SFXN5: variants seen among roughly 807,000 people sequenced by gnomAD.
SFXN5 encodes sideroflexin-5.
SFXN5 carries 43 observed loss-of-function variants against 50.2 expected under a neutral mutation model. That is an observed-to-expected ratio of 0.86 (90% confidence interval 0.67 to 1.11). The LOEUF (loss-of-function observed/expected upper bound fraction) is 1.11, where lower values mean the gene tolerates loss of function less well. SFXN5 is among the 50% of genes least tolerant of loss of function. The pLI is 0.00. For missense variants in SFXN5, 463 were observed against 454.1 expected, an observed-to-expected ratio of 1.02 and a Z score of -0.18; for synonymous variants, 203 against 185.8, an observed-to-expected ratio of 1.09 and a Z score of -0.75.
chr2:72,967,490 C>T (rs1011811669), intron 12 of SFXN5, among the ~76,000 whole-genome samples: 7 of 152,118 alleles, frequency 4.6e-5, no homozygotes, highest in Admixed American at 3.3e-4. Flanking sequence ...CGGGCAGAGG[C>T]CTGACTGAGA....
At chr2:73,038,163 G>A (rs1433144761) in intron 3 of SFXN5, among the ~76,000 whole-genome samples, 2 of 152,242 alleles carry the variant, frequency 1.3e-5, no homozygotes, top group African/African-American at 2.4e-5. Flanking sequence ...CTCGTAGGTA[G>A]AGCCTACTGC....
At chr2:73,062,453 GAAGCA>G (rs1041392972) in intron 1 of SFXN5, among the ~76,000 whole-genome samples, 1 of 152,202 alleles carries the variant, frequency 6.6e-6, no homozygotes, top group Admixed American at 6.5e-5. Context: ...TGGCCTGAGT[GAAGCA>G]ACTTCTTGAA....
chr2:73,066,831 G>A (rs1683212251), intron 1 of SFXN5, among the ~76,000 whole-genome samples: 1 of 151,174 alleles, frequency 6.6e-6, no homozygotes, highest in African/African-American at 2.4e-5. Flanking sequence ...CAAGACACCT[G>A]TCTCTACAAA....
At chr2:73,009,479 C>T (rs923446937) in intron 6 of SFXN5, among the ~76,000 whole-genome samples, 2 of 152,206 alleles carry the variant, frequency 1.3e-5, no homozygotes, top group Admixed American at 1.3e-4. Flanking sequence ...CAGCCTCTGG[C>T]TTGACTGTTC....
chr2:73,015,442 C>T (rs1218405481), intron 6 of SFXN5, among the ~76,000 whole-genome samples: 2 of 152,026 alleles, frequency 1.3e-5, no homozygotes, highest in African/African-American at 4.8e-5. Flanking sequence ...TCTCAAAGTG[C>T]CTCATAAATG....
intron 1 of SFXN5, among the ~76,000 whole-genome samples, chr2:73,061,441 C>T (rs995822024): frequency 6.6e-6 from 1 of 151,734 alleles, no homozygotes; most frequent in African/African-American, 2.4e-5. Flanking sequence ...AATGTAGATA[C>T]TATAATTGAA....
chr2:73,023,883 A>G (rs1235181583), intron 3 of SFXN5, among the ~76,000 whole-genome samples: 1 of 152,186 alleles, frequency 6.6e-6, no homozygotes, highest in Non-Finnish European at 1.5e-5. Context: ...GTCTCTTTCC[A>G]GCACAGAGAC....
intron 10 of SFXN5, among the ~76,000 whole-genome samples, chr2:72,976,917 T>G (rs79477203): frequency 0.014 from 2,189 of 152,336 alleles, 45 homozygotes; most frequent in African/African-American, 0.05. Flanking sequence ...TCTTAAGTTA[T>G]GGAGGGTCAT....
chr2:72,950,737 G>A lies in SFXN5; in HGVS notation c.946-5638C>T, dbSNP rs1359044577. On this transcript the variant is annotated intron_variant, in intron 13 of 13. Transcript: ENST00000272433. This position sits in a 1 kb window ranked among gnomAD's most constrained non-coding sequence, Gnocchi z 4.2. ...CCCATGGATAAGTGAAAGTGACTCA[G>A]GTCTGAGCAAAGGCAATAAAGCATC... Among the ~76,000 whole-genome samples, 1 of 152,240 alleles carries A rather than the reference G, an allele frequency of 6.6e-6. No individual in the cohort carries two copies. Among genetic ancestry groups the A allele is most frequent in the East Asian group, 1.9e-4 (1 of 5,194 alleles).
At chr2:73,024,576 C>T (rs1677315556) in intron 3 of SFXN5, among the ~76,000 whole-genome samples, 1 of 152,118 alleles carries the variant, frequency 6.6e-6, no homozygotes, top group African/African-American at 2.4e-5. Context: ...AACACTTGTG[C>T]CCAGGAGGTA....
intron 6 of SFXN5, among the ~76,000 whole-genome samples, chr2:73,011,141 A>G (rs1675448302): frequency 6.6e-6 from 1 of 152,176 alleles, no homozygotes; most frequent in South Asian, 2.1e-4. Flanking sequence ...GAAGCCTCAA[A>G]CTCCTCAGCT....
intron 11 of SFXN5, among the ~76,000 whole-genome samples, chr2:72,968,802 T>C (rs529667689): frequency 2.0e-4 from 31 of 151,688 alleles, no homozygotes; most frequent in African/African-American, 7.0e-4. Context: ...CTCTCTCTCT[T>C]TCTTTCTTTC....
At chr2:72,981,739 C>T (rs1031205700) in intron 10 of SFXN5, among the ~76,000 whole-genome samples, 6 of 152,228 alleles carry the variant, frequency 3.9e-5, no homozygotes, top group African/African-American at 1.4e-4. Context: ...GCACCCAGCC[C>T]AGCCCAACCT....
chr2:73,066,144 T>C (rs373401064), intron 1 of SFXN5, among the ~76,000 whole-genome samples: 49 of 152,178 alleles, frequency 3.2e-4, no homozygotes, highest in African/African-American at 1.2e-3. Context: ...TAAAGGAACA[T>C]GCTAACCACT....
At chr2:73,010,614 T>A (rs978977659) in intron 6 of SFXN5, among the ~76,000 whole-genome samples, 7 of 152,202 alleles carry the variant, frequency 4.6e-5, no homozygotes, top group Admixed American at 1.3e-4. Context: ...TGATCCTAAC[T>A]GACATATTCA....
intron 13 of SFXN5, among the ~76,000 whole-genome samples, chr2:72,954,603 C>T (rs1247134981): frequency 6.6e-6 from 1 of 152,194 alleles, no homozygotes; most frequent in Non-Finnish European, 1.5e-5. Context: ...CTGCCCGCAG[C>T]CCCAGCCAGG....
In SFXN5 at chr2:73,064,171, A is replaced by C. The variant is rs114522673; in HGVS notation, c.103-5575T>G. Reference sequence around the variant, plus strand: ...AGCAGCAGCAGAGGGCAAAGATCCCAGAAGAAGCTGACACCGCCCCGCAAC... The same window carrying C: ...AGCAGCAGCAGAGGGCAAAGATCCCCGAAGAAGCTGACACCGCCCCGCAAC... On this transcript the variant is annotated intron_variant, in intron 1 of 13. Transcript: ENST00000272433. Among the ~76,000 whole-genome samples the C allele has an allele frequency of 6.2e-3, 938 of 152,316 alleles. 9 individuals carry two copies. Among genetic ancestry groups the C allele is most frequent in the African/African-American group, 0.022 (902 of 41,568 alleles).
chr2:72,952,676 C>T (rs1286799958), intron 13 of SFXN5, among the ~76,000 whole-genome samples: 1 of 152,218 alleles, frequency 6.6e-6, no homozygotes, highest in Non-Finnish European at 1.5e-5. Flanking sequence ...TCTCTGTCCT[C>T]TGTCTTCTAA....
At chr2:72,985,947 C>T (rs1157135289) in intron 10 of SFXN5, among the ~76,000 whole-genome samples, 6 of 152,182 alleles carry the variant, frequency 3.9e-5, no homozygotes, top group Non-Finnish European at 5.9e-5. Context: ...GGAATGGGCC[C>T]CCGGCAAAGT....
Sources: gnomAD v4.1 joint callset for allele counts (sites outside exome capture counted in the v4.1 genomes callset) on GRCh38, gnomAD v4.1.1 for gene constraint, Gnocchi (gnomAD v3.1) non-coding constraint, MANE v1.5 for transcripts, NCBI Gene and HGNC (gene_info 2026-07-23, HGNC 2026-07-21) for gene names.